The following NAALADL2 variants were observed in gnomAD, a reference collection of about 807,000 sequenced individuals.
NAALADL2 encodes N-acetylated alpha-linked acidic dipeptidase like 2.
NAALADL2 carries 76 observed loss-of-function variants against 87.2 expected under a neutral mutation model. That is an observed-to-expected ratio of 0.87 (90% CI 0.72 to 1.05). The LOEUF is 1.05. Among genes scored for constraint, NAALADL2 ranks in the 50% least tolerant of loss-of-function variants. NAALADL2 has a pLI of 0.00. For synonymous variants in NAALADL2, 354 were observed against 331.0 expected, an observed-to-expected ratio of 1.07 and a Z score of -0.75; for missense variants, 1,089 against 945.8, an observed-to-expected ratio of 1.15 and a Z score of -1.99.
At chr3:175,506,144 A>G (rs898239393) in intron 9 of NAALADL2, among the ~76,000 whole-genome samples, 2 of 152,184 alleles carry the variant, frequency 1.3e-5, no homozygotes, top group African/African-American at 2.4e-5. Context: ...CAGGTATTTC[A>G]TTGCTTTTTG....
At chr3:175,496,614 G>T (rs958675044) in intron 9 of NAALADL2, among the ~76,000 whole-genome samples, 1 of 152,040 alleles carries the variant, frequency 6.6e-6, no homozygotes, top group African/African-American at 2.4e-5. Context: ...GAGTGCAGTG[G>T]TGCTATCACA....
chr3:175,069,039 A>G (rs1214331620), intron 1 of NAALADL2, among the ~76,000 whole-genome samples: 1 of 152,128 alleles, frequency 6.6e-6, no homozygotes, highest in African/African-American at 2.4e-5. Flanking sequence ...TAAACGTTAG[A>G]CCTAAAACAA....
chr3:175,056,934 G>A (rs573682300), intron 1 of NAALADL2, among the ~76,000 whole-genome samples: 2 of 152,346 alleles, frequency 1.3e-5, no homozygotes, highest in South Asian at 2.1e-4. Flanking sequence ...TGGCCATCAT[G>A]TACATGTCAC....
chr3:175,208,107 C>T (rs1379287900), intron 2 of NAALADL2, among the ~76,000 whole-genome samples: 1 of 152,106 alleles, frequency 6.6e-6, no homozygotes, highest in African/African-American at 2.4e-5. Flanking sequence ...CATGTTCCTC[C>T]ATCTGACTGT....
chr3:174,481,345 A>G (rs1199920216), intron 1 of NAALADL2, among the ~76,000 whole-genome samples: 1 of 152,150 alleles, frequency 6.6e-6, no homozygotes, highest in Admixed American at 6.6e-5. Context: ...AAGGTGAATA[A>G]GAGTGAAGAC....
intron 11 of NAALADL2, among the ~76,000 whole-genome samples, chr3:175,632,826 A>C (rs542124974): frequency 6.6e-6 from 1 of 152,234 alleles, no homozygotes; most frequent in South Asian, 2.1e-4. Context: ...AGAAAGAAGT[A>C]GGGTCTAGAA....
At chr3:175,628,772 G>A (rs2149720107) in intron 11 of NAALADL2, among the ~76,000 whole-genome samples, 1 of 150,530 alleles carries the variant, frequency 6.6e-6, no homozygotes, top group Non-Finnish European at 1.5e-5. Context: ...ATATGGTAAA[G>A]CGAACTGAGT....
In NAALADL2 at chr3:175,379,487, C is replaced by T. The variant is rs1004061994; in HGVS notation, c.1090+55162C>T. Among the ~76,000 whole-genome samples, 38 of 151,374 alleles carry T rather than the reference C, an allele frequency of 2.5e-4. 1 individual carries two copies. Among genetic ancestry groups the T allele is most frequent in the Admixed American group, 2.2e-3 (33 of 15,210 alleles). On this transcript the variant is annotated intron_variant, in intron 5 of 13. Transcript: ENST00000454872. ...TTTGACTTAGTCTGTTTTTACGTCT[C>T]GTATGGTTTCTGGTAACAGTTGTCC...
rs1722448358 is a variant in NAALADL2, at chr3:175,457,234, C to T, written c.1235-6167C>T. Reference sequence around the variant, plus strand: ...AGTTAACTTCCTTACTCTACTCAGGCTCTAACAAGGTATGTTTCTCAGCTC... The same window carrying T: ...AGTTAACTTCCTTACTCTACTCAGGTTCTAACAAGGTATGTTTCTCAGCTC... On this transcript the variant is annotated intron_variant, in intron 6 of 13. Coordinates refer to ENST00000454872, the MANE Select transcript of NAALADL2 (RefSeq NM_207015.3). Among the ~76,000 whole-genome samples the T allele has an allele frequency of 1.3e-5, 2 of 152,084 alleles. 1 individual carries two copies. The highest frequency in any genetic ancestry group is 4.1e-4 in the South Asian group (2 of 4,834).
rs1340887655 is a variant in NAALADL2 at position 174,716,919 on chromosome 3, T to TC, written c.-114-20721dup. On this transcript the variant is annotated intron_variant, in intron 2 of 3. Coordinates refer to the NAALADL2 transcript ENST00000434257. ...TTGTGGAAGAAAAAATACTGGTAGT[T>TC]CTCTGCATAGTTGAGACATATTAAT... Among the ~76,000 whole-genome samples, 3 of 152,144 alleles carry TC rather than the reference T, an allele frequency of 2.0e-5. No individual in the cohort carries two copies. The East Asian group carries it at 5.8e-4, about 29-fold the overall frequency.
chr3:174,911,467 T>C (rs1281111790), intron 1 of NAALADL2, among the ~76,000 whole-genome samples: 1 of 152,002 alleles, frequency 6.6e-6, no homozygotes, highest in Non-Finnish European at 1.5e-5. Context: ...TGGATGGAAG[T>C]GATTGCTAGA....
intron 5 of NAALADL2, among the ~76,000 whole-genome samples, chr3:175,397,862 C>T (rs977551378): frequency 6.6e-6 from 1 of 151,992 alleles, no homozygotes; most frequent in East Asian, 1.9e-4. Flanking sequence ...AGATTAGGGG[C>T]CTTTTTGCTT....
chr3:175,563,195 GA>G (rs1005295695), intron 9 of NAALADL2, among the ~76,000 whole-genome samples: 3 of 152,160 alleles, frequency 2.0e-5, no homozygotes, highest in Non-Finnish European at 2.9e-5. Flanking sequence ...CTGCTAAAGA[GA>G]AGCATCATTG....
chr3:175,448,477 ATAAT>A (rs1049707502), intron 6 of NAALADL2, among the ~76,000 whole-genome samples: 3 of 152,180 alleles, frequency 2.0e-5, no homozygotes, highest in African/African-American at 4.8e-5. Context: ...CCAGATTTAA[ATAAT>A]TAATTAATTC....
At chr3:174,705,356 A>T (rs1729953680) in intron 2 of NAALADL2, among the ~76,000 whole-genome samples, 2 of 152,246 alleles carry the variant, frequency 1.3e-5, no homozygotes, top group South Asian at 4.1e-4. Flanking sequence ...ATGCTATTCA[A>T]GAACCTGTGA....
chr3:175,189,148 T>A (rs935845532), intron 2 of NAALADL2, among the ~76,000 whole-genome samples: 11 of 152,146 alleles, frequency 7.2e-5, no homozygotes, highest in African/African-American at 2.4e-4. Flanking sequence ...GGGGATAAAC[T>A]GAAAGCCCTT....
chr3:175,409,370 T>C (rs1713037730), intron 5 of NAALADL2, among the ~76,000 whole-genome samples: 1 of 151,970 alleles, frequency 6.6e-6, no homozygotes, highest in Non-Finnish European at 1.5e-5. Flanking sequence ...GATTTGTGAT[T>C]GTATTCCATT....
intron 1 of NAALADL2, among the ~76,000 whole-genome samples, chr3:174,443,760 A>G (rs77131710): frequency 0.02 from 3,099 of 152,108 alleles, 114 homozygotes; most frequent in African/African-American, 0.062. Context: ...AGGAGTCTGA[A>G]AAAGAGCTGC....
chr3:175,799,022 C>T (rs1158340713), intron 13 of NAALADL2, among the ~76,000 whole-genome samples: 1 of 151,976 alleles, frequency 6.6e-6, no homozygotes, highest in Admixed American at 6.6e-5. Flanking sequence ...TGCAATGTTA[C>T]AACTCATTTA....
Sources: gnomAD v4.1 joint callset for allele counts (sites outside exome capture counted in the v4.1 genomes callset) on GRCh38, gnomAD v4.1.1 for gene constraint, MANE v1.5 for transcripts, NCBI Gene and HGNC (gene_info 2026-07-23, HGNC 2026-07-21) for gene names.